MRTFB: variants seen among roughly 807,000 people sequenced by gnomAD.
The protein encoded by MRTFB is myocardin related transcription factor B.
A neutral mutation model predicts 104.2 loss-of-function variants in MRTFB; 29 were observed. The ratio of observed to expected loss-of-function variants is 0.28; its 90% CI spans 0.21 to 0.38. The LOEUF is 0.38. MRTFB is among the 10% of genes least tolerant of loss of function. The pLI, the probability that MRTFB is intolerant of heterozygous loss-of-function variation, is 1.00. For missense variants in MRTFB, 1,270 were observed against 1,341.6 expected (o/e 0.95, Z 0.83); for synonymous variants, 535 against 519.5 (o/e 1.03, Z -0.41).
At chr16:14,219,441 TCTC>T (rs2041586189) in intron 8 of MRTFB, among the ~76,000 whole-genome samples, 1 of 152,200 alleles carries the variant, frequency 6.6e-6, no homozygotes, top group Non-Finnish European at 1.5e-5. Flanking sequence ...ATAATTTTTC[TCTC>T]CTTATAGTGC....
intron 2 of MRTFB, among the ~76,000 whole-genome samples, chr16:14,083,020 C>T (rs1434517431): frequency 6.6e-6 from 1 of 152,096 alleles, no homozygotes; most frequent in African/African-American, 2.4e-5. Context: ...TTTGTGTCTT[C>T]AATTTCTTTC....
At chr16:14,256,392 C>T (rs1361504360) in intron 15 of MRTFB, among the ~76,000 whole-genome samples, 1 of 152,196 alleles carries the variant, frequency 6.6e-6, no homozygotes, top group Non-Finnish European at 1.5e-5. Context: ...AATTCTTTGA[C>T]ATTCCTCTCT....
the MRTFB span, among the ~76,000 whole-genome samples, chr16:14,017,085 C>G: frequency 1.5e-5 from 2 of 130,256 alleles, no homozygotes; most frequent in Non-Finnish European, 3.1e-5. Context: ...GAGACGGAGT[C>G]TCGCTCTGTT....
chr16:14,241,654 A>AG (rs111792591), intron 10 of MRTFB, among the ~76,000 whole-genome samples: 21,784 of 152,200 alleles, frequency 0.14, 3,734 homozygotes, highest in African/African-American at 0.41. Flanking sequence ...ATTCCCTCAT[A>AG]GGTAGCCCCT....
chr16:14,196,829 C>CT (rs1790621302), intron 3 of MRTFB, among the ~76,000 whole-genome samples: 1 of 152,150 alleles, frequency 6.6e-6, no homozygotes, highest in Non-Finnish European at 1.5e-5. Flanking sequence ...TTGCATTCCA[C>CT]TTTTTAAAAT....
the MRTFB span, among the ~76,000 whole-genome samples, chr16:14,032,574 A>C: frequency 1.3e-5 from 2 of 152,164 alleles, no homozygotes; most frequent in Admixed American, 6.5e-5. Flanking sequence ...GAGCTGTCTT[A>C]GCAAATTATT....
At position 14,210,327 on chromosome 16, in the gene MRTFB, C is replaced by T. The variant is rs2041137429; in HGVS notation, c.220+19C>T. ...ATGCCACGTAAGATTTATACCATCA[C>T]TGCCATCCCTAACGTGACAGAACAT... On this transcript the variant is annotated intron_variant, in intron 4 of 16. Coordinates refer to ENST00000571589, the MANE Select transcript of MRTFB (RefSeq NM_001308142.2). 6.2e-7 allele frequency: 1 copy of T among 1,600,754 alleles called. No individual in the cohort carries two copies. Among genetic ancestry groups the T allele is most frequent in the Non-Finnish European group, 8.5e-7 (1 of 1,169,722 alleles).
intron 2 of MRTFB, among the ~76,000 whole-genome samples, chr16:14,140,040 A>T (rs576501001): frequency 6.6e-6 from 1 of 152,152 alleles, no homozygotes; most frequent in Non-Finnish European, 1.5e-5. Flanking sequence ...TTTGTCATGA[A>T]CTGTATGTCC....
At chr16:14,212,260 C>A in intron 4 of MRTFB, 94 bp from the exon 5 acceptor site, 2 of 1,169,472 alleles carry the variant, frequency 1.7e-6, no homozygotes, top group Non-Finnish European at 2.4e-6. Context: ...TAGTTGTGAT[C>A]TGTTAATAAT....
At chr16:14,134,884 C>G (rs1458915839) in intron 2 of MRTFB, among the ~76,000 whole-genome samples, 1 of 152,160 alleles carries the variant, frequency 6.6e-6, no homozygotes, top group Non-Finnish European at 1.5e-5. Context: ...TTGGCTTTCT[C>G]ATCTATAAAA....
At position 14,257,787 on chromosome 16, in the gene MRTFB, C is replaced by T. The variant is rs138229476; in HGVS notation, c.2704-314C>T. Among the ~76,000 whole-genome samples, 794 of 152,110 alleles carry T rather than the reference C, an allele frequency of 5.2e-3. 1 individual carries two copies. Among genetic ancestry groups the T allele is most frequent in the South Asian group, 8.9e-3 (43 of 4,810 alleles). On this transcript the variant is annotated intron_variant, in intron 15 of 16. Transcript: ENST00000571589. ...GTGATCACCTTTGTACAAATTTTTA[C>T]CTAAATACAAATGAATAAAGACACT... is the stretch of plus-strand genomic sequence containing the variant.
At chr16:14,090,178 G>A (rs999445450) in intron 2 of MRTFB, among the ~76,000 whole-genome samples, 2 of 152,086 alleles carry the variant, frequency 1.3e-5, no homozygotes, top group African/African-American at 4.8e-5. Context: ...TGTTTTGGTT[G>A]CTTGTGCCAT....
chr16:14,232,972 A>G (rs2042331223), intron 8 of MRTFB, among the ~76,000 whole-genome samples: 1 of 152,252 alleles, frequency 6.6e-6, no homozygotes, highest in South Asian at 2.1e-4. Flanking sequence ...TTTCCTTAAG[A>G]TAAGGGTGGT....
the MRTFB span, among the ~76,000 whole-genome samples, chr16:14,016,897 A>G: frequency 3.3e-5 from 5 of 151,956 alleles, no homozygotes; most frequent in Admixed American, 3.3e-4. Context: ...AGATCATCAC[A>G]TTCCCTTCAT....
the MRTFB span, among the ~76,000 whole-genome samples, chr16:14,021,702 A>G: frequency 6.6e-6 from 1 of 152,154 alleles, no homozygotes; most frequent in Non-Finnish European, 1.5e-5. Flanking sequence ...GAGTTACTTT[A>G]CCTGGAATAA....
chr16:14,188,845 A>G (rs2040054264), intron 3 of MRTFB, among the ~76,000 whole-genome samples: 1 of 151,152 alleles, frequency 6.6e-6, no homozygotes, highest in South Asian at 2.1e-4. Flanking sequence ...TTCTGTTTAA[A>G]TTTAAATTTT....
Position 14,218,894 on chromosome 16 carries a change from C to G in MRTFB, c.589C>G (p.Pro197Ala), listed in dbSNP as rs1166715014. The change falls in exon 8 of 17, where the codon CCG (proline) becomes GCG (alanine). Residue 197 changes from proline to alanine, a missense_variant. Physicochemically the swap from Pro to Ala is conservative, Grantham distance 27. This residue lies in a region of MRTFB where 1,144 missense variants were observed against 1,131.5 expected (regional missense o/e 1.01). Transcript: ENST00000571589. ...FDEDSSDALS[P>A]DQPASQESQG... is the part of the protein sequence containing the mutation. ...TGAAGACAGCAGTGACGCTTTGTCT[C>G]CGGACCAGCCTGCGAGTCAGGAGTC... is the stretch of plus-strand genomic sequence containing the variant. 1.9e-6 allele frequency: 3 copies of G among 1,613,958 alleles called. No individual in the cohort carries two copies. Among genetic ancestry groups the G allele is most frequent in the Non-Finnish European group, 2.5e-6 (3 of 1,179,998 alleles).
intron 3 of MRTFB, among the ~76,000 whole-genome samples, chr16:14,167,571 C>A (rs529721168): frequency 6.6e-6 from 1 of 152,158 alleles, no homozygotes; most frequent in Non-Finnish European, 1.5e-5. Context: ...ATTATGAAAT[C>A]TTTGCCTGTG....
chr16:14,007,886 GTCT>G, the MRTFB span, among the ~76,000 whole-genome samples: 9 of 152,130 alleles, frequency 5.9e-5, no homozygotes, highest in African/African-American at 1.9e-4. Context: ...TTGGAGAAAC[GTCT>G]ATTCAGATCC....
Sources: gnomAD v4.1 joint callset for allele counts (sites outside exome capture counted in the v4.1 genomes callset) on GRCh38, gnomAD v4.1.1 for gene constraint, gnomAD v4.1.1 regional missense constraint, MANE v1.5 for transcripts, NCBI Gene and HGNC (gene_info 2026-07-23, HGNC 2026-07-21) for gene names.